Variants in NIPAL2 observed in about 807,000 individuals in gnomAD.
NIPAL2 encodes NIPA-like protein 2.
Under a neutral mutation model 48.9 loss-of-function variants are expected in NIPAL2, and 43 were observed. The observed-to-expected ratio is 0.88, with a 90% confidence interval of 0.69 to 1.13. The LOEUF (loss-of-function observed/expected upper bound fraction) is 1.13, where lower values mean the gene tolerates loss of function less well. Among genes scored for constraint, NIPAL2 ranks in the 50% most tolerant of loss-of-function variants. The pLI is 0.00. For synonymous variants in NIPAL2, 167 were observed against 174.6 expected (o/e 0.96, Z 0.34); for missense variants, 446 against 461.4 (o/e 0.97, Z 0.31).
chr8:98,214,940 A>G (rs569721693), intron 5 of NIPAL2, among the ~76,000 whole-genome samples: 52 of 152,294 alleles, frequency 3.4e-4, no homozygotes, highest in African/African-American at 1.2e-3. Context: ...TGGGTGTCCT[A>G]ATTTCTGTCC....
At position 98,286,574 on chromosome 8, in the gene NIPAL2, C is replaced by T. The variant is rs544090541; in HGVS notation, c.135+7429G>A. ...CTGTAATCCCAGCACTTTGGGAGTCCGAGACAGGTGGATCACCTGAGGTCA... is the reference window on the plus strand; with the variant it reads ...CTGTAATCCCAGCACTTTGGGAGTCTGAGACAGGTGGATCACCTGAGGTCA... On this transcript the variant is annotated intron_variant, in intron 1 of 10. Coordinates refer to ENST00000430223, the MANE Select transcript of NIPAL2 (RefSeq NM_001321635.2). Among the ~76,000 whole-genome samples, 180 of 152,094 alleles carry T rather than the reference C, an allele frequency of 1.2e-3. 2 individuals are homozygous for T. The highest frequency in any genetic ancestry group is 0.011 in the Admixed American group (162 of 15,286).
chr8:98,251,630 T>A (rs1813596231), intron 3 of NIPAL2: 2 of 152,230 alleles, frequency 1.3e-5, no homozygotes, highest in Non-Finnish European at 2.9e-5. Flanking sequence ...TCTTCGAATC[T>A]ACATCGTTTC....
At chr8:98,211,731 A>AGAGAG (rs57069248) in intron 6 of NIPAL2, among the ~76,000 whole-genome samples, 1 of 96,052 alleles carries the variant, frequency 1.0e-5, no homozygotes, top group East Asian at 2.7e-4. Context: ...AGAGAGAGAG[A>AGAGAG]AAGTGTGTGT....
intron 5 of NIPAL2, among the ~76,000 whole-genome samples, chr8:98,220,417 T>TC (rs1212118124): frequency 6.6e-6 from 1 of 151,828 alleles, no homozygotes; most frequent in Non-Finnish European, 1.5e-5. Flanking sequence ...GATTTTTTTT[T>TC]TTTTTTGTCT....
chr8:98,194,892 C>T, intron 9 of NIPAL2, 70 bp from the exon 10 acceptor site: 2 of 836,084 alleles, frequency 2.4e-6, no homozygotes, highest in Non-Finnish European at 3.6e-6. Context: ...TAACTGAGCT[C>T]CATATTCTAC....
chr8:98,203,908 G>T (rs755585995), intron 7 of NIPAL2, among the ~76,000 whole-genome samples: 1 of 150,854 alleles, frequency 6.6e-6, no homozygotes, highest in Non-Finnish European at 1.5e-5. Context: ...ATACGTAAAT[G>T]CATGTATGTG....
At chr8:98,204,566 C>T (rs1476992307) in intron 7 of NIPAL2, among the ~76,000 whole-genome samples, 2 of 152,070 alleles carry the variant, frequency 1.3e-5, no homozygotes, top group African/African-American at 2.4e-5. Flanking sequence ...CATGTCACCA[C>T]TATTAGGCCT....
intron 6 of NIPAL2, among the ~76,000 whole-genome samples, 194 bp from the exon 7 acceptor site, chr8:98,205,440 T>A (rs936659965): frequency 2.6e-5 from 4 of 152,024 alleles, no homozygotes; most frequent in African/African-American, 9.7e-5. Context: ...GATATCAAAT[T>A]TGCTTAAATC....
chr8:98,193,584 C>T (rs1270467954), intron 10 of NIPAL2, among the ~76,000 whole-genome samples: 1 of 152,084 alleles, frequency 6.6e-6, no homozygotes, highest in Admixed American at 6.6e-5. Flanking sequence ...ATTGGGAGGC[C>T]GAGGCAGGCG....
chr8:98,240,060 C>A (rs952302498), intron 3 of NIPAL2, among the ~76,000 whole-genome samples: 14 of 151,996 alleles, frequency 9.2e-5, no homozygotes, highest in Non-Finnish European at 2.1e-4. Flanking sequence ...ATTTAATATT[C>A]AAAAATAGAG....
intron 4 of NIPAL2, among the ~76,000 whole-genome samples, chr8:98,235,335 A>G (rs1412751272): frequency 7.9e-5 from 12 of 152,238 alleles, no homozygotes; most frequent in Non-Finnish European, 2.9e-5. Context: ...TGGAAAATTC[A>G]ACACATAAGT....
rs139651640 is a variant in NIPAL2, at chr8:98,216,271, C to T, written c.559-3770G>A. 2.0e-4 allele frequency among the ~76,000 whole-genome samples: 31 copies of T among 152,308 alleles called. 1 individual carries two copies. The highest frequency in any genetic ancestry group is 6.7e-4 in the African/African-American group (28 of 41,572). ...TTCTGGCTTTATCACTTAGTACTTA[C>T]GTGACCTTAAACAAGTTCCTGGGCC... On this transcript the variant is annotated intron_variant, in intron 5 of 10. Transcript: ENST00000430223.
Position 98,193,201 on chromosome 8 carries a change from G to A in NIPAL2, c.1040-111C>T, listed in dbSNP as rs114159524. 1.7e-3 allele frequency: 1,747 copies of A among 1,049,926 alleles called. 25 individuals carry two copies. In the African/African-American group the frequency reaches 0.023, roughly 14 times the overall value. 65.0% of individuals were successfully genotyped at this position (1,049,926 alleles called of 1,614,324 possible). On this transcript the variant is annotated intron_variant, in intron 10 of 10. Transcript: ENST00000430223. ...TTATCACCTCTCTTTTATACTATGT[G>A]GGCACTCTCTAAAGAGAAGAGATGA...
At chr8:98,292,970 G>A (rs2130931135) in intron 1 of NIPAL2, among the ~76,000 whole-genome samples, 1 of 152,108 alleles carries the variant, frequency 6.6e-6, no homozygotes, top group South Asian at 2.1e-4. Flanking sequence ...ATGACTTAAA[G>A]CAATACTCTC....
chr8:98,252,871 G>A (rs958626913), intron 2 of NIPAL2, among the ~76,000 whole-genome samples: 4 of 151,944 alleles, frequency 2.6e-5, no homozygotes, highest in African/African-American at 7.3e-5. Flanking sequence ...TTCATTTTCC[G>A]TGGTTTCAAT....
intron 1 of NIPAL2, among the ~76,000 whole-genome samples, chr8:98,264,701 C>G (rs1214530405): frequency 6.6e-6 from 1 of 151,286 alleles, no homozygotes; most frequent in Non-Finnish European, 1.5e-5. Flanking sequence ...AATGGCCATA[C>G]TGCCCAAGGT....
intron 1 of NIPAL2, among the ~76,000 whole-genome samples, chr8:98,289,873 C>T (rs1816400791): frequency 6.6e-6 from 1 of 152,120 alleles, no homozygotes; most frequent in Non-Finnish European, 1.5e-5. Context: ...TCATATGCAG[C>T]TACTAGTAGA....
chr8:98,270,173 C>A (rs959207309), intron 1 of NIPAL2, among the ~76,000 whole-genome samples: 1 of 152,052 alleles, frequency 6.6e-6, no homozygotes, highest in East Asian at 1.9e-4. Context: ...TTTGGTAGAA[C>A]AATTTATTTT....
At chr8:98,209,554 G>A in intron 6 of NIPAL2, among the ~76,000 whole-genome samples, 1 of 152,054 alleles carries the variant, frequency 6.6e-6, no homozygotes, top group East Asian at 1.9e-4. Flanking sequence ...GGAGTTTGAA[G>A]CCGCAGTGAG....
Sources: allele counts gnomAD v4.1 joint callset (sites outside exome capture counted in the v4.1 genomes callset), GRCh38; gene constraint gnomAD v4.1.1; transcripts MANE v1.5; gene names NCBI Gene and HGNC (gene_info 2026-07-23, HGNC 2026-07-21).